The following MCTP2 variants were observed in gnomAD, a reference collection of about 807,000 sequenced individuals.
The protein encoded by MCTP2 is multiple C2 and transmembrane domain containing 2, also known as multiple C2 and transmembrane domain-containing protein 2.
MCTP2 carries 132 observed loss-of-function variants against 111.6 expected under a neutral mutation model. The observed-to-expected ratio is 1.18, with a 90% CI of 1.03 to 1.37. The LOEUF is 1.37. Ranked by LOEUF, MCTP2 falls within the 40% of genes most tolerant of loss-of-function variation. The pLI is 0.00. For missense variants in MCTP2, 1,183 were observed against 1,067.9 expected (o/e 1.11, Z -1.50); for synonymous variants, 395 against 387.7 (o/e 1.02, Z -0.22).
intron 1 of MCTP2, among the ~76,000 whole-genome samples, chr15:94,282,964 G>A (rs1268802863): frequency 6.6e-6 from 1 of 152,118 alleles, no homozygotes; most frequent in African/African-American, 2.4e-5. Flanking sequence ...TCTGATGGGG[G>A]CTGCCAATAA....
intron 12 of MCTP2, among the ~76,000 whole-genome samples, chr15:94,379,073 T>G (rs569101805): frequency 6.6e-6 from 1 of 151,994 alleles, no homozygotes; most frequent in South Asian, 2.1e-4. Flanking sequence ...GTTTTTTGTT[T>G]TTTTTTTTAA....
At chr15:94,346,616 G>C (rs1351716292) in intron 8 of MCTP2, among the ~76,000 whole-genome samples, 1 of 152,132 alleles carries the variant, frequency 6.6e-6, no homozygotes, top group African/African-American at 2.4e-5. Context: ...TAAAACACGG[G>C]TACTGTACAT....
At chr15:94,272,408 T>A (rs971981872) in intron 1 of MCTP2, among the ~76,000 whole-genome samples, 2 of 152,162 alleles carry the variant, frequency 1.3e-5, no homozygotes, top group African/African-American at 2.4e-5. Flanking sequence ...GCGTGAGTGT[T>A]GCGTCTGTCT....
chr15:94,404,870 T>A (rs1267270141), intron 17 of MCTP2, among the ~76,000 whole-genome samples: 1 of 152,168 alleles, frequency 6.6e-6, no homozygotes, highest in Admixed American at 6.5e-5. Context: ...TTCTTCACTA[T>A]GCAACTGCCA....
intron 17 of MCTP2, chr15:94,402,915 C>T: frequency 9.3e-7 from 1 of 1,075,618 alleles, no homozygotes; most frequent in African/African-American, 1.6e-5. Context: ...TTATGTGGTT[C>T]TGCTTCTGTT....
intron 17 of MCTP2, among the ~76,000 whole-genome samples, chr15:94,439,807 A>G (rs2152509468): frequency 6.6e-6 from 1 of 152,330 alleles, no homozygotes; most frequent in Non-Finnish European, 1.5e-5. Context: ...AGCCAACTGA[A>G]AAAGTAGTGG....
At chr15:94,385,652 C>G in intron 14 of MCTP2, 127 bp downstream of exon 14, 1 of 650,774 alleles carries the variant, frequency 1.5e-6, no homozygotes, top group Non-Finnish European at 2.7e-6. Flanking sequence ...CAGGAAACGA[C>G]TGTTTTATTC....
At chr15:94,325,883 G>T (rs1412123745) in intron 4 of MCTP2, among the ~76,000 whole-genome samples, 10 of 139,574 alleles carry the variant, frequency 7.2e-5, no homozygotes, top group Admixed American at 2.4e-4. Flanking sequence ...ACAGTGGCGC[G>T]ATCTCGGCTC....
intron 1 of MCTP2, among the ~76,000 whole-genome samples, chr15:94,297,101 G>A (rs986888765): frequency 2.6e-5 from 4 of 152,208 alleles, no homozygotes; most frequent in African/African-American, 9.7e-5. Context: ...GCCAAATGTG[G>A]CAAAATACAA....
At chr15:94,250,671 G>A (rs1003065320) in intron 1 of MCTP2, among the ~76,000 whole-genome samples, 2 of 152,206 alleles carry the variant, frequency 1.3e-5, no homozygotes, top group Admixed American at 1.3e-4. Context: ...GACATGAGCT[G>A]TGCAAGGTGA....
intron 2 of MCTP2, among the ~76,000 whole-genome samples, chr15:94,302,368 G>T (rs2075658192): frequency 6.6e-6 from 1 of 152,160 alleles, no homozygotes; most frequent in African/African-American, 2.4e-5. Flanking sequence ...CATCAGCAAA[G>T]AAAGTGAAAT....
intron 14 of MCTP2, among the ~76,000 whole-genome samples, chr15:94,394,347 C>T (rs770540141): frequency 2.0e-5 from 3 of 152,048 alleles, no homozygotes; most frequent in Non-Finnish European, 2.9e-5. Flanking sequence ...CAACATTCCC[C>T]GGCACACAGT....
intron 1 of MCTP2, among the ~76,000 whole-genome samples, chr15:94,241,240 C>T (rs2152222537): frequency 6.6e-6 from 1 of 152,250 alleles, no homozygotes; most frequent in South Asian, 2.1e-4. Flanking sequence ...ACTAATACTC[C>T]CTTGAACCCT....
chr15:94,353,094 T>C (rs2078399603), intron 8 of MCTP2, among the ~76,000 whole-genome samples: 2 of 152,162 alleles, frequency 1.3e-5, no homozygotes, highest in Non-Finnish European at 2.9e-5. Flanking sequence ...TCTCCTGCCC[T>C]CCCTTTAGGA....
chr15:94,432,002 T>A (rs951884422), intron 17 of MCTP2, among the ~76,000 whole-genome samples: 4 of 152,198 alleles, frequency 2.6e-5, no homozygotes, highest in African/African-American at 9.6e-5. Context: ...AGATTTAGAA[T>A]CTTCTTTAGT....
At chr15:94,295,949 G>A (rs560849482) in intron 1 of MCTP2, among the ~76,000 whole-genome samples, 1 of 151,760 alleles carries the variant, frequency 6.6e-6, no homozygotes, top group African/African-American at 2.4e-5. Context: ...GTTGTAATTA[G>A]TGTGGAATTT....
intron 1 of MCTP2, among the ~76,000 whole-genome samples, chr15:94,253,272 T>C (rs539360036): frequency 6.6e-6 from 1 of 152,324 alleles, no homozygotes; most frequent in African/African-American, 2.4e-5. Context: ...TTAGACTATA[T>C]AGTGTGTCTC....
chr15:94,473,153 T>C (rs1157082211), intron 21 of MCTP2, among the ~76,000 whole-genome samples: 1 of 152,188 alleles, frequency 6.6e-6, no homozygotes, highest in African/African-American at 2.4e-5. Context: ...TCAGAATCAT[T>C]TCACATAAGC....
chr15:94,466,655 G>A (rs563421537), intron 20 of MCTP2, among the ~76,000 whole-genome samples: 14 of 152,126 alleles, frequency 9.2e-5, no homozygotes, highest in African/African-American at 2.9e-4. Flanking sequence ...ATCTCCCATC[G>A]TACCATGCAG....
Sources: gnomAD v4.1 joint callset for allele counts (sites outside exome capture counted in the v4.1 genomes callset) on GRCh38, gnomAD v4.1.1 for gene constraint, MANE v1.5 for transcripts, NCBI Gene and HGNC (gene_info 2026-07-23, HGNC 2026-07-21) for gene names.